Variants in FANCG observed in about 807,000 individuals in gnomAD.
FANCG encodes FA complementation group G, also known as Fanconi anemia group G protein.
A neutral mutation model predicts 73.3 loss-of-function variants in FANCG; 67 were observed. The ratio of observed to expected loss-of-function variants is 0.91; its 90% CI spans 0.75 to 1.12. FANCG has a LOEUF of 1.12. Among genes scored for constraint, FANCG ranks in the 50% most tolerant of loss-of-function variants. The probability of loss-of-function intolerance (pLI) is 0.00; values close to 1 mark genes in which losing one functional copy is unlikely to be tolerated. For missense variants in FANCG, 643 were observed against 735.6 expected, an observed-to-expected ratio of 0.87 and a Z score of 1.46; for synonymous variants, 297 against 311.6, an observed-to-expected ratio of 0.95 and a Z score of 0.49.
In FANCG at chr9:35,077,308, T is replaced by C. The variant is rs765447168; in HGVS notation, c.602A>G (p.Gln201Arg). ...LDAPLTLQDA[Q>R]GLKDVLLTAF... Reference sequence around the variant, plus strand: ...TGTCAGGAGGACATCCTTCAATCCCTGGGCATCCTGCAGGGTCAATGGAGC... The same window carrying C: ...TGTCAGGAGGACATCCTTCAATCCCCGGGCATCCTGCAGGGTCAATGGAGC... Residue 201 changes from glutamine to arginine, a missense_variant, in exon 5 of 14, where the codon CAG (glutamine) becomes CGG (arginine). Physicochemically the swap from Gln to Arg is conservative, Grantham distance 43. Coordinates refer to ENST00000378643, the MANE Select transcript of FANCG (RefSeq NM_004629.2). 3 of 1,614,092 alleles carry C rather than the reference T, an allele frequency of 1.9e-6. No individual in the cohort carries two copies. In the African/African-American group the frequency reaches 4.0e-5, roughly 22 times the overall value.
chr9:35,074,800 T>G, intron 12 of FANCG, 127 bp downstream of exon 12: 5 of 1,231,638 alleles, frequency 4.1e-6, no homozygotes, highest in Non-Finnish European at 6.0e-6. Flanking sequence ...CCTAGGTATA[T>G]ATAGCACAAC....
In FANCG at chr9:35,075,100, A is replaced by G; in HGVS notation, c.1481-18T>C. ...AGCTGCCCCTGGGGACCACTCCCAA[A>G]GTCAAGAAGTGTCTTCCCAGCCTCA... On this transcript the variant is annotated intron_variant, in intron 11 of 13. Coordinates refer to ENST00000378643, the MANE Select transcript of FANCG (RefSeq NM_004629.2). The G allele has an allele frequency of 6.2e-7, 1 of 1,613,640 alleles. No homozygotes were observed.
At chr9:35,078,412 C>T in intron 3 of FANCG, 69 bp from the exon 4 acceptor site, 1 of 1,556,622 alleles carries the variant, frequency 6.4e-7, no homozygotes, top group South Asian at 1.1e-5. Context: ...CATCTCCCCA[C>T]ACACTCTGGC....
chr9:35,076,696 C>A, intron 7 of FANCG, 28 bp downstream of exon 7: 2 of 1,614,176 alleles, frequency 1.2e-6, no homozygotes, highest in Non-Finnish European at 1.7e-6. Flanking sequence ...AATCCTCCAC[C>A]CCACATCTTC....
At chr9:35,079,012 T>A (rs1190821927) in intron 2 of FANCG, 139 bp downstream of exon 2, 1 of 815,666 alleles carries the variant, frequency 1.2e-6, no homozygotes, top group African/African-American at 1.7e-5. Flanking sequence ...TGTACAAAGA[T>A]GATTCCACTC....
chr9:35,076,913 G>T, intron 6 of FANCG, 43 bp from the exon 7 acceptor site: 1 of 1,614,174 alleles, frequency 6.2e-7, no homozygotes, highest in South Asian at 1.1e-5. Flanking sequence ...CCCTTACAAA[G>T]CAAAAAGCTA....
chr9:35,075,394 A>G, intron 10 of FANCG, 69 bp from the exon 11 acceptor site: 2 of 1,610,762 alleles, frequency 1.2e-6, no homozygotes, highest in African/African-American at 1.3e-5. Flanking sequence ...GTAGGTGAAC[A>G]TGGAGCTCAC....
intron 1 of FANCG, 33 bp from the exon 2 acceptor site, chr9:35,079,274 T>A (rs1460545142): frequency 6.3e-7 from 1 of 1,588,874 alleles, no homozygotes; most frequent in Non-Finnish European, 8.6e-7. Flanking sequence ...TCACTGAGGA[T>A]CAATCCTTTT....
At chr9:35,075,161 C>T (rs1357583739) in intron 11 of FANCG, 79 bp from the exon 12 acceptor site, 3 of 1,608,836 alleles carry the variant, frequency 1.9e-6, no homozygotes, top group Admixed American at 1.7e-5. Context: ...TCTATTTCTT[C>T]TTGTGTCCAC....
intron 8 of FANCG, 71 bp from the exon 9 acceptor site, chr9:35,076,099 C>T: frequency 7.1e-7 from 1 of 1,415,246 alleles, no homozygotes; most frequent in Non-Finnish European, 1.0e-6. Flanking sequence ...TGAGAATGTT[C>T]TCTCTTAGCT....
rs1829147392 is a variant in FANCG, at chr9:35,079,646, G to A, written c.-122C>T. 4.2e-6 allele frequency: 4 copies of A among 949,710 alleles called. No homozygotes were observed. The highest frequency in any genetic ancestry group is 6.7e-6 in the Non-Finnish European group (4 of 598,496). The allele number at this position is 949,710 out of a possible 1,614,324, so 58.8% of individuals were successfully genotyped here. A position where few individuals can be genotyped will look rare whatever the true frequency, so the allele number is the denominator to read the frequency against. ...CTTCTGCACCCCGCCGAGCTCCCCT[G>A]CTTCTCTCGGGGTCCCAATCCACCC... On this transcript the variant is annotated 5_prime_UTR_variant, in exon 1 of 14. Transcript: ENST00000378643.
rs56241506 is a variant in FANCG, at chr9:35,078,035, A to G, written c.510+106T>C. 1.9e-5 allele frequency: 22 copies of G among 1,169,166 alleles called. No homozygotes were observed. The African/African-American group carries it at 2.9e-4, about 15-fold the overall frequency. 72.4% of individuals were successfully genotyped at this position (1,169,166 alleles called of 1,614,324 possible). On this transcript the variant is annotated intron_variant, in intron 4 of 13. Coordinates refer to ENST00000378643, the MANE Select transcript of FANCG (RefSeq NM_004629.2). ...CAGAGAGAATCCAGGTTTTCCGACCACCAACCCAGCCGCCTGTCCAGTACA... is the reference window on the plus strand; with the variant it reads ...CAGAGAGAATCCAGGTTTTCCGACCGCCAACCCAGCCGCCTGTCCAGTACA...
At position 35,075,455 on chromosome 9, in the gene FANCG, C is replaced by T; in HGVS notation, c.1433+10G>A. 3.1e-6 allele frequency: 5 copies of T among 1,614,120 alleles called. No individual in the cohort carries two copies. The highest frequency in any genetic ancestry group is 4.2e-6 in the Non-Finnish European group (5 of 1,180,024). On this transcript the variant is annotated intron_variant, in intron 10 of 13. Transcript: ENST00000378643. ...ATCCCTCCACACCCCCTCTAGGACC[C>T]CGGGCTCACCTGCTAAATTCACTAA...
In FANCG at chr9:35,079,226, C is replaced by A. The variant is rs773063160; in HGVS notation, c.100G>T (p.Gly34Cys). The A allele has an allele frequency of 1.9e-6, 3 of 1,607,308 alleles. No individual in the cohort carries two copies. Among genetic ancestry groups the A allele is most frequent in the East Asian group, 4.5e-5 (2 of 44,496 alleles). Reference protein sequence around the residue: ...VRQAKVAQNSGLTLRRQQLAQ... With the variant: ...VRQAKVAQNSCLTLRRQQLAQ... ...AACTGCTGTCGCCTCAGAGTCAGAC[C>A]GGAGTTCTGAGCCACCTGCCACATG... The change falls in exon 2 of 14, where the codon GGT (glycine) becomes TGT (cysteine). Residue 34 changes from glycine to cysteine, a missense_variant. Transcript: ENST00000378643.
chr9:35,074,332 A>C (rs768235127), intron 13 of FANCG, 39 bp downstream of exon 13: 1 of 1,614,078 alleles, frequency 6.2e-7, no homozygotes. Context: ...TAGGACACCA[A>C]CTGCCCCTCA....
At chr9:35,078,823 A>G in intron 2 of FANCG, 87 bp from the exon 3 acceptor site, 2 of 1,545,874 alleles carry the variant, frequency 1.3e-6, no homozygotes, top group Non-Finnish European at 1.8e-6. Context: ...CCCCACTCCA[A>G]CCAAAACAGC....
In FANCG at chr9:35,078,653, C is replaced by G. The variant is rs753695631; in HGVS notation, c.259G>C (p.Gly87Arg). The G allele has an allele frequency of 3.1e-6, 5 of 1,614,182 alleles. No homozygotes were observed. In the South Asian group the frequency reaches 4.4e-5, roughly 14 times the overall value. Residue 87 changes from glycine (G) to arginine (R), a missense_variant, in exon 3 of 14, where the codon GGT becomes CGT. Transcript: ENST00000378643. ...TCCTGGGCCTGATCCTCTGTGAAACCCTGGGCCAAGCTTGCCCTCAGGATA... is the reference window on the plus strand; with the variant it reads ...TCCTGGGCCTGATCCTCTGTGAAACGCTGGGCCAAGCTTGCCCTCAGGATA... ...FIILRASLAQ[G>R]FTEDQAQDIQ...
intron 8 of FANCG, 89 bp from the exon 9 acceptor site, chr9:35,076,117 G>A (rs1779158244): frequency 7.7e-7 from 1 of 1,298,086 alleles, no homozygotes; most frequent in Admixed American, 1.7e-5. Context: ...GCTAACAGAT[G>A]GATGTTCATG....
At chr9:35,076,676 GC>G (rs1258007819) in intron 7 of FANCG, 47 bp downstream of exon 7, 5 of 1,614,046 alleles carry the variant, frequency 3.1e-6, no homozygotes, top group Middle Eastern at 1.6e-4. Context: ...CCCATCACAA[GC>G]ACCTCAGGAA....
Sources: allele counts gnomAD v4.1 joint callset, GRCh38; gene constraint gnomAD v4.1.1; transcripts MANE v1.5; gene names NCBI Gene and HGNC (gene_info 2026-07-23, HGNC 2026-07-21).